Variants in MGAT5 observed in about 807,000 individuals in gnomAD.
MGAT5 encodes alpha-1,6-mannosylglycoprotein 6-beta-N-acetylglucosaminyltransferase A.
In MGAT5, 30 loss-of-function variants were observed where a neutral mutation model predicts 94.3. That is an observed-to-expected ratio of 0.32 (90% confidence interval 0.24 to 0.43). The LOEUF (loss-of-function observed/expected upper bound fraction) is 0.43. Ranked by LOEUF, MGAT5 falls within the 20% of genes least tolerant of loss-of-function variation. The pLI is 1.00. For synonymous variants in MGAT5, 310 were observed against 322.9 expected (o/e 0.96, Z 0.43); for missense variants, 691 against 905.5 (o/e 0.76, Z 3.04).
At chr2:134,346,930 A>G (rs1688953004) in intron 8 of MGAT5, among the ~76,000 whole-genome samples, 1 of 152,168 alleles carries the variant, frequency 6.6e-6, no homozygotes, top group South Asian at 2.1e-4. Flanking sequence ...GCTCCTGAAC[A>G]TCCATTTCAT....
chr2:134,427,785 A>G (rs564394208), intron 13 of MGAT5, among the ~76,000 whole-genome samples: 1 of 152,328 alleles, frequency 6.6e-6, no homozygotes, highest in Non-Finnish European at 1.5e-5. Context: ...GTGACACTTT[A>G]TAACTTTATT....
chr2:134,158,925 C>T (rs560913199), intron 1 of MGAT5, among the ~76,000 whole-genome samples: 2 of 152,080 alleles, frequency 1.3e-5, no homozygotes, highest in Admixed American at 1.3e-4. Context: ...TGAAATGCTG[C>T]GAATCTGAAT....
rs150923518 is a variant in MGAT5 at position 134,128,808 on chromosome 2, C to G, written c.-143+8517C>G. On this transcript the variant is annotated intron_variant, in intron 1 of 16. Coordinates refer to the MGAT5 transcript ENST00000409645. ...CTGGTCTCGAAGTCCTGGCCTCAAG[C>G]GATCCTACTGCCTTAGTCTCTCAAA... Among the ~76,000 whole-genome samples the G allele has an allele frequency of 3.9e-3, 592 of 152,270 alleles. 5 individuals are homozygous for G. The highest frequency in any genetic ancestry group is 6.8e-3 in the Middle Eastern group (2 of 294).
intron 1 of MGAT5, among the ~76,000 whole-genome samples, chr2:134,230,378 G>C (rs1162647245): frequency 6.6e-6 from 1 of 152,184 alleles, no homozygotes; most frequent in African/African-American, 2.4e-5. Context: ...CTGCCTGGGG[G>C]TTGGGGACCC....
chr2:134,175,356 C>T (rs1031330928), intron 1 of MGAT5, among the ~76,000 whole-genome samples: 1 of 152,142 alleles, frequency 6.6e-6, no homozygotes, highest in Non-Finnish European at 1.5e-5. Flanking sequence ...AAGATATTTG[C>T]TTTGGCTTGT....
chr2:134,363,236 C>A (rs1437297131), intron 10 of MGAT5, among the ~76,000 whole-genome samples: 1 of 152,176 alleles, frequency 6.6e-6, no homozygotes, highest in East Asian at 1.9e-4. Context: ...AGACTGTGGT[C>A]TCATGTTTCT....
At chr2:134,173,497 C>G (rs1394484831) in intron 1 of MGAT5, among the ~76,000 whole-genome samples, 2 of 152,222 alleles carry the variant, frequency 1.3e-5, no homozygotes, top group African/African-American at 2.4e-5. Context: ...ATCTGCACCC[C>G]CTTGTTCTCA....
intron 10 of MGAT5, among the ~76,000 whole-genome samples, chr2:134,375,751 G>T (rs1681127106): frequency 6.6e-6 from 1 of 152,224 alleles, no homozygotes; most frequent in Non-Finnish European, 1.5e-5. Flanking sequence ...GGGCTTTAAG[G>T]GAAAAGGCAG....
chr2:134,333,317 A>T (rs1688102589), intron 4 of MGAT5, among the ~76,000 whole-genome samples: 2 of 151,598 alleles, frequency 1.3e-5, no homozygotes, highest in South Asian at 4.2e-4. Flanking sequence ...CATCATTCTC[A>T]GTAAACTATT....
At chr2:134,169,250 G>GAAA (rs1688086487) in intron 1 of MGAT5, among the ~76,000 whole-genome samples, 1 of 152,062 alleles carries the variant, frequency 6.6e-6, no homozygotes. Flanking sequence ...TTGAAAATGG[G>GAAA]ATTTCAAGGC....
At chr2:134,294,154 A>G (rs1404417750) in intron 2 of MGAT5, among the ~76,000 whole-genome samples, 1 of 152,204 alleles carries the variant, frequency 6.6e-6, no homozygotes, top group Non-Finnish European at 1.5e-5. Context: ...TCTACCTTCC[A>G]GGGTGGCTAT....
At position 134,129,414 on chromosome 2, in the gene MGAT5, C is replaced by T. The variant is rs144638030; in HGVS notation, c.-143+9123C>T. Among the ~76,000 whole-genome samples the T allele has an allele frequency of 1.3e-4, 20 of 152,316 alleles. No homozygotes were observed. In the East Asian group the frequency reaches 3.9e-3, roughly 29 times the overall value. On this transcript the variant is annotated intron_variant, in intron 1 of 16. Transcript: ENST00000409645. The stretch of plus-strand genomic sequence containing the variant: ...GATATAATGCCATCTCCCTGTAAGG[C>T]AACATAAGCACAGGTTCCGGGGATT...
intron 11 of MGAT5, among the ~76,000 whole-genome samples, chr2:134,404,430 C>T (rs1235582830): frequency 6.6e-6 from 1 of 152,188 alleles, no homozygotes; most frequent in Non-Finnish European, 1.5e-5. Flanking sequence ...TTATTGTTAA[C>T]TTTATTTTGA....
chr2:134,164,839 C>CAA (rs78180455), intron 1 of MGAT5, among the ~76,000 whole-genome samples: 23,456 of 131,416 alleles, frequency 0.18, 1,984 homozygotes, highest in South Asian at 0.24. Context: ...ACACCCGTCT[C>CAA]AAAAAAAAAA....
intron 1 of MGAT5, among the ~76,000 whole-genome samples, chr2:134,155,102 C>T (rs557163278): frequency 3.7e-4 from 56 of 152,174 alleles, no homozygotes; most frequent in Non-Finnish European, 7.2e-4. Context: ...TGGGTTAGGA[C>T]GCGCAAACTT....
intron 4 of MGAT5, among the ~76,000 whole-genome samples, chr2:134,323,738 C>T (rs1687470124): frequency 6.6e-6 from 1 of 152,028 alleles, no homozygotes; most frequent in South Asian, 2.1e-4. Context: ...GTCTAATACT[C>T]CATAATTTCG....
At chr2:134,165,251 A>G (rs1222904103) in intron 1 of MGAT5, among the ~76,000 whole-genome samples, 3 of 152,234 alleles carry the variant, frequency 2.0e-5, no homozygotes, top group Non-Finnish European at 4.4e-5. Context: ...TGATTGCTCT[A>G]TTTAGCCACA....
At chr2:134,379,621 G>A (rs533526647) in intron 10 of MGAT5, among the ~76,000 whole-genome samples, 12 of 152,342 alleles carry the variant, frequency 7.9e-5, no homozygotes, top group African/African-American at 2.6e-4. Context: ...TTTTACCAGC[G>A]AGCGATCATG....
intron 8 of MGAT5, among the ~76,000 whole-genome samples, chr2:134,346,039 C>T (rs1006109178): frequency 6.6e-6 from 1 of 152,078 alleles, no homozygotes; most frequent in Non-Finnish European, 1.5e-5. Flanking sequence ...TAAAAACTTG[C>T]TGCGGGCCAA....
Sources: gnomAD v4.1 joint callset for allele counts (sites outside exome capture counted in the v4.1 genomes callset) on GRCh38, gnomAD v4.1.1 for gene constraint, MANE v1.5 for transcripts, NCBI Gene and HGNC (gene_info 2026-07-23, HGNC 2026-07-21) for gene names.